The following MACROD2 variants were observed in gnomAD, a reference collection of about 807,000 sequenced individuals.
MACROD2 encodes mono-ADP ribosylhydrolase 2.
MACROD2 carries 36 observed loss-of-function variants against 70.4 expected under a neutral mutation model. The observed-to-expected ratio is 0.51, with a 90% confidence interval of 0.39 to 0.68. The LOEUF (loss-of-function observed/expected upper bound fraction) is 0.68, where lower values mean the gene tolerates loss of function less well. MACROD2 is among the 30% of genes least tolerant of loss of function. The pLI, the probability that MACROD2 is intolerant of heterozygous loss-of-function variation, is 0.00. For missense variants in MACROD2, 496 were observed against 538.4 expected, an observed-to-expected ratio of 0.92 and a Z score of 0.78; for synonymous variants, 172 against 178.8, an observed-to-expected ratio of 0.96 and a Z score of 0.30.
chr20:14,052,119 G>C (rs1166717282), intron 2 of MACROD2: 2 of 364,440 alleles, frequency 5.5e-6, no homozygotes, highest in Non-Finnish European at 1.1e-5. Context: ...AGAAGAGGAA[G>C]ATGGGTGTGT....
intron 5 of MACROD2, among the ~76,000 whole-genome samples, chr20:15,045,145 GA>G (rs1328032969): frequency 2.0e-5 from 3 of 152,100 alleles, no homozygotes; most frequent in African/African-American, 7.2e-5. Flanking sequence ...GAAAAGAAAA[GA>G]AAAGAAATGG....
chr20:15,441,094 G>T (rs1326295571), intron 7 of MACROD2, among the ~76,000 whole-genome samples: 1 of 152,150 alleles, frequency 6.6e-6, no homozygotes, highest in Non-Finnish European at 1.5e-5. Context: ...TGAGACAGTG[G>T]AGAGACAACT....
intron 5 of MACROD2, among the ~76,000 whole-genome samples, chr20:15,209,087 T>TGTGGTGGTG (rs537024871): frequency 2.5e-4 from 38 of 151,686 alleles, no homozygotes; most frequent in African/African-American, 9.2e-4. Flanking sequence ...ATCCCTTTCC[T>TGTGGTGGTG]GTGGTGGTGG....
intron 7 of MACROD2, among the ~76,000 whole-genome samples, chr20:15,444,332 T>C (rs561440739): frequency 1.3e-5 from 2 of 152,326 alleles, no homozygotes; most frequent in South Asian, 4.1e-4. Flanking sequence ...ACTTTTTGGC[T>C]GTTGTGAACG....
chr20:15,911,623 A>G (rs985454515), intron 10 of MACROD2, among the ~76,000 whole-genome samples: 12 of 152,316 alleles, frequency 7.9e-5, no homozygotes, highest in Non-Finnish European at 1.5e-5. Flanking sequence ...GTGAAGGTGA[A>G]TAGTGCAAGG....
At chr20:15,090,120 G>T (rs555153414) in intron 5 of MACROD2, among the ~76,000 whole-genome samples, 10 of 152,048 alleles carry the variant, frequency 6.6e-5, no homozygotes, top group Non-Finnish European at 1.3e-4. Flanking sequence ...TGATATTTAT[G>T]TATAAATTCT....
chr20:14,079,613 A>G (rs1387209646), intron 2 of MACROD2, among the ~76,000 whole-genome samples: 2 of 152,210 alleles, frequency 1.3e-5, no homozygotes, highest in African/African-American at 4.8e-5. Context: ...CTTATTCTCA[A>G]TGGCAATACA....
At chr20:15,498,765 G>A (rs540643098) in intron 7 of MACROD2, among the ~76,000 whole-genome samples, 34 of 152,182 alleles carry the variant, frequency 2.2e-4, no homozygotes, top group African/African-American at 7.7e-4. Flanking sequence ...TAAAAACATG[G>A]TACAAACCAC....
chr20:15,874,457 A>C (rs1016343569), intron 9 of MACROD2, among the ~76,000 whole-genome samples: 2 of 152,030 alleles, frequency 1.3e-5, no homozygotes, highest in Admixed American at 6.6e-5. Context: ...GTCAAATGGT[A>C]TTTCTAGTTC....
At chr20:15,935,647 C>T (rs1350407407) in intron 11 of MACROD2, among the ~76,000 whole-genome samples, 1 of 152,118 alleles carries the variant, frequency 6.6e-6, no homozygotes, top group Non-Finnish European at 1.5e-5. Flanking sequence ...CAAATCAGAT[C>T]AAAGTTGTAG....
In MACROD2 at chr20:15,435,248, AT is replaced by A. The variant is rs147277595; in HGVS notation, c.571+3817del. Among the ~76,000 whole-genome samples, 522 of 152,260 alleles carry A rather than the reference AT, an allele frequency of 3.4e-3. 2 individuals carry two copies. The highest frequency in any genetic ancestry group is 0.012 in the African/African-American group (493 of 41,552). On this transcript the variant is annotated intron_variant, in intron 7 of 17. Coordinates refer to ENST00000684519, the MANE Select transcript of MACROD2 (RefSeq NM_001351661.2). ...AATACAAAAAAGCAGAAGAAAACAC[AT>A]TTTCCAATACAGTAGACATAACTTA...
intron 3 of MACROD2, among the ~76,000 whole-genome samples, chr20:14,468,609 T>G (rs1302820528): frequency 6.6e-6 from 1 of 151,374 alleles, no homozygotes; most frequent in Non-Finnish European, 1.5e-5. Flanking sequence ...GCCTCCCGGG[T>G]TCAAGCAATT....
chr20:15,276,742 GAT>G (rs2077397039), intron 6 of MACROD2, among the ~76,000 whole-genome samples: 1 of 152,140 alleles, frequency 6.6e-6, no homozygotes, highest in Non-Finnish European at 1.5e-5. Context: ...GAAAATAAAA[GAT>G]AGCAGATGAG....
At chr20:14,423,755 A>ATTTTTTTTTTT (rs1165796772) in intron 3 of MACROD2, among the ~76,000 whole-genome samples, 844 of 63,102 alleles carry the variant, frequency 0.013, 55 homozygotes, top group Non-Finnish European at 0.02. Context: ...GACATCTTAA[A>ATTTTTTTTTTT]TTTTTTTTTT....
At chr20:14,087,945 C>T (rs1306875615) in intron 3 of MACROD2, among the ~76,000 whole-genome samples, 1 of 151,660 alleles carries the variant, frequency 6.6e-6, no homozygotes, top group Admixed American at 6.6e-5. Context: ...TATATATACA[C>T]ACATATAAAT....
intron 5 of MACROD2, among the ~76,000 whole-genome samples, chr20:14,790,342 C>G (rs551925805): frequency 6.6e-6 from 1 of 151,812 alleles, no homozygotes; most frequent in South Asian, 2.1e-4. Context: ...AGGCCCAGGG[C>G]AAAGTATAGG....
intron 4 of MACROD2, among the ~76,000 whole-genome samples, chr20:14,668,579 G>T (rs1039510483): frequency 1.3e-5 from 2 of 152,046 alleles, no homozygotes; most frequent in African/African-American, 2.4e-5. Flanking sequence ...TTAACAAAAA[G>T]AAATAGTTCT....
At chr20:14,252,722 C>G (rs2082022927) in intron 3 of MACROD2, among the ~76,000 whole-genome samples, 2 of 151,812 alleles carry the variant, frequency 1.3e-5, no homozygotes, top group South Asian at 4.2e-4. Flanking sequence ...TTTCTTGTCC[C>G]CTGTCTTGAT....
intron 3 of MACROD2, among the ~76,000 whole-genome samples, chr20:14,423,755 A>ATTTTTTTTTTTTTTTTTTTTTTT (rs1165796772): frequency 1.6e-5 from 1 of 63,088 alleles, no homozygotes; most frequent in Non-Finnish European, 2.8e-5. Context: ...GACATCTTAA[A>ATTTTTTTTTTTTTTTTTTTTTTT]TTTTTTTTTT....
Sources: gnomAD v4.1 joint callset for allele counts (sites outside exome capture counted in the v4.1 genomes callset) on GRCh38, gnomAD v4.1.1 for gene constraint, MANE v1.5 for transcripts, NCBI Gene and HGNC (gene_info 2026-07-23, HGNC 2026-07-21) for gene names.